The following DOCK7 variants were observed in gnomAD, a reference collection of about 807,000 sequenced individuals.
The protein encoded by DOCK7 is dedicator of cytokinesis protein 7.
In DOCK7, 138 loss-of-function variants were observed where a neutral mutation model predicts 271.0. The ratio of observed to expected loss-of-function variants is 0.51; its 90% CI spans 0.44 to 0.59. The LOEUF is 0.59. Among genes scored for constraint, DOCK7 ranks in the 20% least tolerant of loss-of-function variants. DOCK7 has a pLI of 0.00. For synonymous variants in DOCK7, 823 were observed against 876.1 expected, an observed-to-expected ratio of 0.94 and a Z score of 1.07; for missense variants, 2,066 against 2,592.4, an observed-to-expected ratio of 0.80 and a Z score of 4.41.
intron 38 of DOCK7, among the ~76,000 whole-genome samples, 199 bp downstream of exon 38, chr1:62,496,125 GCACAGAATTAAACAC>G (rs1646615194): frequency 6.6e-6 from 1 of 152,130 alleles, no homozygotes; most frequent in Non-Finnish European, 1.5e-5. Flanking sequence ...TATTATAAAT[GCACAGAATTAAACAC>G]CACAGAATTA....
At chr1:62,600,897 C>T in intron 14 of DOCK7, 8 of 503,372 alleles carry the variant, frequency 1.6e-5, no homozygotes, top group South Asian at 5.9e-5. Context: ...AAATAATGTC[C>T]CTGATTAAAT....
intron 48 of DOCK7, among the ~76,000 whole-genome samples, chr1:62,462,732 C>A (rs1486354854): frequency 6.6e-6 from 1 of 151,976 alleles, no homozygotes; most frequent in East Asian, 1.9e-4. Flanking sequence ...TCAAACTGAT[C>A]CCTACCTTGA....
intron 21 of DOCK7, among the ~76,000 whole-genome samples, chr1:62,555,522 T>C (rs1646112403): frequency 6.6e-6 from 1 of 152,078 alleles, no homozygotes; most frequent in African/African-American, 2.4e-5. Context: ...ATTCCTTATC[T>C]TAACAAGGAA....
chr1:62,584,988 G>T, intron 15 of DOCK7: 1 of 530,666 alleles, frequency 1.9e-6, no homozygotes, highest in South Asian at 2.8e-5. Flanking sequence ...AAATTCATAT[G>T]GCAACTCACA....
At chr1:62,556,902 T>G (rs1450572319) in intron 20 of DOCK7, among the ~76,000 whole-genome samples, 1 of 152,066 alleles carries the variant, frequency 6.6e-6, no homozygotes, top group Non-Finnish European at 1.5e-5. Context: ...CTACCTGTGT[T>G]TCTGGTTAAT....
At chr1:62,523,130 CTA>C (rs768973201) in intron 31 of DOCK7, among the ~76,000 whole-genome samples, 5 of 152,186 alleles carry the variant, frequency 3.3e-5, no homozygotes, top group Non-Finnish European at 7.4e-5. Flanking sequence ...ACAATCTTAA[CTA>C]AAATTTTAAC....
chr1:62,486,594 T>C (rs1001006844), intron 43 of DOCK7: 5 of 152,126 alleles, frequency 3.3e-5, no homozygotes, highest in Admixed American at 6.5e-5. Flanking sequence ...TAAGATTGTA[T>C]TTACATATAA....
At chr1:62,572,741 C>T (rs1260155548) in intron 18 of DOCK7, among the ~76,000 whole-genome samples, 2 of 152,162 alleles carry the variant, frequency 1.3e-5, no homozygotes, top group East Asian at 3.8e-4. Context: ...CTTCCAAAGA[C>T]TCCATCTCAA....
At position 62,495,679 on chromosome 1, in the gene DOCK7, G is replaced by A. The variant is rs1214473670; in HGVS notation, c.4926C>T (p.Val1642=). 2 of 1,580,320 alleles carry A rather than the reference G, an allele frequency of 1.3e-6. No homozygotes were observed. The highest frequency in any genetic ancestry group is 4.5e-5 in the East Asian group (2 of 43,980). ...TATGGAGATTGAAAACCAGATCCTG[G>A]ACCTGCAGCAGAGAATTATATGAAA... The part of the protein sequence containing the change: ...ELRETTFPDQ[V]QDLVFNLHMI... Residue 1642 remains valine, a splice_region_variant and synonymous_variant, in exon 39 of 50, where the codon GTC becomes GTT. Coordinates refer to ENST00000635253, the MANE Select transcript of DOCK7 (RefSeq NM_001367561.1).
At chr1:62,468,276 G>A (rs796379197) in intron 48 of DOCK7, among the ~76,000 whole-genome samples, 37 of 148,020 alleles carry the variant, frequency 2.5e-4, no homozygotes, top group African/African-American at 9.0e-4. Context: ...CAGGAGAATC[G>A]CTTGAACCCG....
At chr1:62,484,032 T>C (rs995418789) in intron 43 of DOCK7, 1 of 152,240 alleles carries the variant, frequency 6.6e-6, no homozygotes, top group Admixed American at 6.5e-5. Context: ...TCTAATCCTG[T>C]TCTATCTTTT....
At chr1:62,602,466 A>T in intron 14 of DOCK7, 1 of 1,184,408 alleles carries the variant, frequency 8.4e-7, no homozygotes. Context: ...TATTAGGAAA[A>T]GTAGTAACGA....
At chr1:62,636,408 A>C (rs752503414) in intron 8 of DOCK7, 129 bp downstream of exon 8, 6 of 699,102 alleles carry the variant, frequency 8.6e-6, no homozygotes, top group Non-Finnish European at 1.4e-5. Flanking sequence ...CTAATAAGTT[A>C]AATTTCTATT....
rs937632253 is a variant in DOCK7 at position 62,464,714 on chromosome 1, C to CA, written c.6213-7010dup. On this transcript the variant is annotated intron_variant, in intron 48 of 49. Coordinates refer to ENST00000635253, the MANE Select transcript of DOCK7 (RefSeq NM_001367561.1). ...CAAAAACAAAAACAAACAGACTGAC[C>CA]AAAAAAAAAAATCCTATTTAAATGC... is the stretch of plus-strand genomic sequence containing the variant. 2.0e-3 allele frequency among the ~76,000 whole-genome samples: 281 copies of CA among 142,908 alleles called. 1 individual carries two copies. The highest frequency in any genetic ancestry group is 6.1e-3 in the African/African-American group (240 of 39,172). The allele number at this position is 142,908 out of a possible 152,430, so 93.8% of individuals were successfully genotyped here.
intron 2 of DOCK7, 104 bp from the exon 3 acceptor site, chr1:62,654,263 C>T (rs1000683056): frequency 6.3e-6 from 7 of 1,109,340 alleles, no homozygotes; most frequent in Non-Finnish European, 6.3e-6. Flanking sequence ...AGCTTTTAAT[C>T]TAGTTCTTTC....
chr1:62,485,210 T>G, intron 43 of DOCK7: 2 of 985,282 alleles, frequency 2.0e-6, no homozygotes, highest in Non-Finnish European at 2.4e-6. Flanking sequence ...AAAATAAAAG[T>G]GAACACTAAA....
At chr1:62,636,787 C>T (rs1252949648) in intron 7 of DOCK7, among the ~76,000 whole-genome samples, 184 bp from the exon 8 acceptor site, 1 of 152,142 alleles carries the variant, frequency 6.6e-6, no homozygotes, top group Non-Finnish European at 1.5e-5. Flanking sequence ...TCTAAATCAA[C>T]CTTATCTTCT....
intron 14 of DOCK7, chr1:62,609,702 G>C (rs1354784110): frequency 6.6e-6 from 1 of 152,122 alleles, no homozygotes; most frequent in Admixed American, 6.5e-5. Context: ...CTCAGAGTTT[G>C]CATCTGTTTC....
chr1:62,562,233 C>CTTT (rs59893499), intron 18 of DOCK7, among the ~76,000 whole-genome samples: 32 of 121,258 alleles, frequency 2.6e-4, no homozygotes, highest in South Asian at 5.1e-4. Flanking sequence ...GATCCAAAAA[C>CTTT]TTTTTTTTTT....
Sources: allele counts gnomAD v4.1 joint callset (sites outside exome capture counted in the v4.1 genomes callset), GRCh38; gene constraint gnomAD v4.1.1; transcripts MANE v1.5; gene names NCBI Gene and HGNC (gene_info 2026-07-23, HGNC 2026-07-21).